Variants in ANKIB1 observed in about 807,000 individuals in gnomAD.
The protein encoded by ANKIB1 is ankyrin repeat and IBR domain-containing protein 1.
In ANKIB1, 43 loss-of-function variants were observed where a neutral mutation model predicts 122.1. The observed-to-expected ratio is 0.35, with a 90% confidence interval of 0.28 to 0.45. The LOEUF (loss-of-function observed/expected upper bound fraction) is 0.45. ANKIB1 is among the 20% of genes least tolerant of loss of function. The pLI is 1.00. For missense variants in ANKIB1, 992 were observed against 1,329.5 expected (o/e 0.75, Z 3.95); for synonymous variants, 390 against 442.0 (o/e 0.88, Z 1.48).
chr7:92,249,055 T>C (rs1250787160), intron 1 of ANKIB1, among the ~76,000 whole-genome samples: 12 of 151,962 alleles, frequency 7.9e-5, no homozygotes. Context: ...ACCCGGCTAA[T>C]TTTTGTATTT....
At chr7:92,323,348 G>A (rs759861318) in intron 4 of ANKIB1, among the ~76,000 whole-genome samples, 2 of 151,962 alleles carry the variant, frequency 1.3e-5, no homozygotes, top group African/African-American at 2.4e-5. Context: ...TCTGATTATC[G>A]TGTAAATTGA....
At position 92,246,615 on chromosome 7, in the gene ANKIB1, C is replaced by T; in HGVS notation, c.-91+96C>T. 8.6e-6 allele frequency: 4 copies of T among 466,004 alleles called. 1 individual carries two copies. The Middle Eastern group carries it at 1.0e-3, about 117-fold the overall frequency. The allele number at this position is 466,004 out of a possible 1,614,324, so 28.9% of individuals were successfully genotyped here. Reference sequence around the variant, plus strand: ...CTACCTACTTCACACCCTCCCGGATCTACTAGGAGTGTGTCTGTCGCCTGT... The same window carrying T: ...CTACCTACTTCACACCCTCCCGGATTTACTAGGAGTGTGTCTGTCGCCTGT... On this transcript the variant is annotated intron_variant, in intron 1 of 19. Transcript: ENST00000265742.
At chr7:92,335,398 A>T (rs925328987) in intron 5 of ANKIB1, among the ~76,000 whole-genome samples, 3 of 151,976 alleles carry the variant, frequency 2.0e-5, no homozygotes, top group Non-Finnish European at 4.4e-5. Flanking sequence ...AATTAAGGTC[A>T]GTAGTGTTCT....
chr7:92,339,850 A>G (rs567172650), intron 5 of ANKIB1, among the ~76,000 whole-genome samples: 151 of 131,510 alleles, frequency 1.1e-3, no homozygotes, highest in African/African-American at 4.2e-3. Context: ...CATTTTTTCT[A>G]TCAATAGTTT....
At chr7:92,377,815 G>T (rs1804418218) in intron 11 of ANKIB1, among the ~76,000 whole-genome samples, 1 of 151,964 alleles carries the variant, frequency 6.6e-6, no homozygotes, top group Admixed American at 6.6e-5. Flanking sequence ...GGGGAAAAAA[G>T]TTTTTCAAAA....
chr7:92,382,193 C>A (rs892965973), intron 11 of ANKIB1, among the ~76,000 whole-genome samples: 1 of 152,130 alleles, frequency 6.6e-6, no homozygotes, highest in African/African-American at 2.4e-5. Context: ...AGCTAACTAT[C>A]CTAAATATAT....
intron 11 of ANKIB1, among the ~76,000 whole-genome samples, chr7:92,382,239 A>C (rs529439752): frequency 1.9e-4 from 29 of 152,300 alleles, no homozygotes; most frequent in African/African-American, 6.7e-4. Flanking sequence ...ATTCATAAAA[A>C]AAGTCCTGAG....
chr7:92,315,044 A>G (rs921877582), intron 3 of ANKIB1, among the ~76,000 whole-genome samples: 3 of 152,260 alleles, frequency 2.0e-5, no homozygotes, highest in African/African-American at 7.2e-5. Flanking sequence ...TGGAGGCTCT[A>G]TAATGTTTAA....
At chr7:92,305,864 T>C (rs1802547754) in intron 2 of ANKIB1, among the ~76,000 whole-genome samples, 1 of 152,184 alleles carries the variant, frequency 6.6e-6, no homozygotes, top group Admixed American at 6.5e-5. Context: ...CAGAGAGATT[T>C]ACTGCCCGTG....
chr7:92,299,750 G>A (rs913081649), intron 2 of ANKIB1, among the ~76,000 whole-genome samples: 36 of 151,898 alleles, frequency 2.4e-4, no homozygotes, highest in African/African-American at 8.2e-4. Flanking sequence ...ATATATAATG[G>A]GTTTATTTTT....
intron 1 of ANKIB1, among the ~76,000 whole-genome samples, chr7:92,280,439 G>A (rs1294111736): frequency 1.4e-5 from 2 of 147,176 alleles, no homozygotes; most frequent in Non-Finnish European, 3.0e-5. Flanking sequence ...CTTAAGAAAC[G>A]TTTGGAGGGC....
At chr7:92,293,816 T>C (rs1302621891) in intron 1 of ANKIB1, among the ~76,000 whole-genome samples, 1 of 152,202 alleles carries the variant, frequency 6.6e-6, no homozygotes, top group African/African-American at 2.4e-5. Flanking sequence ...CATACCTGCC[T>C]TTGCATATGC....
chr7:92,394,166 G>A (rs1434819017), intron 17 of ANKIB1, among the ~76,000 whole-genome samples: 2 of 152,098 alleles, frequency 1.3e-5, no homozygotes, highest in Non-Finnish European at 2.9e-5. Context: ...TGTGGATGGT[G>A]ATACCCCATG....
intron 3 of ANKIB1, among the ~76,000 whole-genome samples, chr7:92,309,942 A>ATATATATATATATATAT (rs1554338740): frequency 1.1e-5 from 1 of 91,816 alleles, no homozygotes; most frequent in African/African-American, 4.8e-5. Context: ...AAAAAAAAAA[A>ATATATATATATATATAT]ATATATATAT....
chr7:92,274,708 AG>A (rs1801865134), intron 1 of ANKIB1, among the ~76,000 whole-genome samples: 1 of 152,176 alleles, frequency 6.6e-6, no homozygotes, highest in Non-Finnish European at 1.5e-5. Context: ...GCACTTTGGG[AG>A]GCCAAGGCGG....
chr7:92,253,516 C>T (rs1197223903), intron 1 of ANKIB1, among the ~76,000 whole-genome samples: 1 of 152,188 alleles, frequency 6.6e-6, no homozygotes, highest in Non-Finnish European at 1.5e-5. Flanking sequence ...ACCTCACTGC[C>T]CTGCATCTTC....
chr7:92,339,041 T>C (rs1466858906), intron 5 of ANKIB1, among the ~76,000 whole-genome samples: 155 of 86,150 alleles, frequency 1.8e-3, no homozygotes, highest in African/African-American at 9.0e-3. Flanking sequence ...TTGAATTTTC[T>C]TTTTTTTTTT....
intron 2 of ANKIB1, among the ~76,000 whole-genome samples, chr7:92,295,505 G>A (rs537257150): frequency 1.3e-5 from 2 of 152,178 alleles, no homozygotes; most frequent in East Asian, 3.9e-4. Flanking sequence ...ATGAATTCTT[G>A]ATAATAATGT....
At chr7:92,370,473 A>G (rs1376845038) in intron 10 of ANKIB1, among the ~76,000 whole-genome samples, 3 of 135,640 alleles carry the variant, frequency 2.2e-5, no homozygotes, top group Admixed American at 1.8e-4. Flanking sequence ...GAGCCACTGC[A>G]CTCCAGCCTG....
Sources: gnomAD v4.1 joint callset for allele counts (sites outside exome capture counted in the v4.1 genomes callset) on GRCh38, gnomAD v4.1.1 for gene constraint, MANE v1.5 for transcripts, NCBI Gene and HGNC (gene_info 2026-07-23, HGNC 2026-07-21) for gene names.